Variants in SGCZ observed in about 807,000 individuals in gnomAD.
SGCZ encodes the protein sarcoglycan zeta, also known as zeta-sarcoglycan.
SGCZ carries 40 observed loss-of-function variants against 41.3 expected under a neutral mutation model. The ratio of observed to expected loss-of-function variants is 0.97; its 90% CI spans 0.75 to 1.26. The LOEUF (loss-of-function observed/expected upper bound fraction) is 1.26, where lower values mean the gene tolerates loss of function less well. SGCZ is among the 50% of genes most tolerant of loss of function. The probability of loss-of-function intolerance (pLI) is 0.00; values close to 1 mark genes in which losing one functional copy is unlikely to be tolerated. For missense variants in SGCZ, 552 were observed against 369.8 expected, an observed-to-expected ratio of 1.49 and a Z score of -4.04; for synonymous variants, 206 against 137.5, an observed-to-expected ratio of 1.50 and a Z score of -3.49.
intron 3 of SGCZ, among the ~76,000 whole-genome samples, chr8:14,273,170 G>C (rs1413530930): frequency 2.0e-5 from 3 of 151,746 alleles, no homozygotes; most frequent in East Asian, 3.9e-4. Flanking sequence ...TTTTAAATGA[G>C]TACAAAAATA....
chr8:14,735,988 A>G (rs1448675843), intron 1 of SGCZ, among the ~76,000 whole-genome samples: 1 of 152,076 alleles, frequency 6.6e-6, no homozygotes, highest in Admixed American at 6.5e-5. Context: ...ATAAGTGTAA[A>G]TGAGTATGGA....
rs143714808 is a variant in SGCZ, at chr8:14,727,976, A to C, written c.40-173050T>G. On this transcript the variant is annotated intron_variant, in intron 1 of 7. Coordinates refer to ENST00000382080, the MANE Select transcript of SGCZ (RefSeq NM_139167.4). ...TAAGTGCACAGTAAAAAATACTCTGAAACAAAAGAAGCTAGACACAAAAGA... is the reference window on the plus strand; with the variant it reads ...TAAGTGCACAGTAAAAAATACTCTGCAACAAAAGAAGCTAGACACAAAAGA... Among the ~76,000 whole-genome samples the C allele has an allele frequency of 4.9e-3, 753 of 152,314 alleles. 8 individuals carry two copies. Among genetic ancestry groups the C allele is most frequent in the African/African-American group, 0.016 (682 of 41,572 alleles).
At chr8:15,133,293 A>G (rs765875248) in intron 1 of SGCZ, among the ~76,000 whole-genome samples, 1 of 152,162 alleles carries the variant, frequency 6.6e-6, no homozygotes, top group African/African-American at 2.4e-5. Flanking sequence ...TAGAGTTATA[A>G]ATGTAACACA....
chr8:14,687,190 ATT>A (rs397962270), intron 1 of SGCZ, among the ~76,000 whole-genome samples: 2 of 147,030 alleles, frequency 1.4e-5, no homozygotes, highest in Non-Finnish European at 3.0e-5. Flanking sequence ...ATATATATAT[ATT>A]TTAATTTTAT....
At chr8:14,630,298 G>T (rs1031969949) in intron 1 of SGCZ, among the ~76,000 whole-genome samples, 9 of 151,740 alleles carry the variant, frequency 5.9e-5, no homozygotes, top group Non-Finnish European at 1.2e-4. Context: ...GTGGAAAAAT[G>T]CTTGCCTCTA....
chr8:15,010,312 T>C (rs1256895518), intron 1 of SGCZ, among the ~76,000 whole-genome samples: 1 of 152,220 alleles, frequency 6.6e-6, no homozygotes, highest in Non-Finnish European at 1.5e-5. Context: ...ACATTATTAG[T>C]TTCTGCAATT....
chr8:14,657,367 T>A (rs1247129836), intron 1 of SGCZ, among the ~76,000 whole-genome samples: 1 of 152,092 alleles, frequency 6.6e-6, no homozygotes, highest in Non-Finnish European at 1.5e-5. Context: ...AACTTTAGCA[T>A]AACTATATAT....
chr8:15,033,442 G>A (rs1803759267), intron 1 of SGCZ, among the ~76,000 whole-genome samples: 1 of 151,988 alleles, frequency 6.6e-6, no homozygotes, highest in Non-Finnish European at 1.5e-5. Flanking sequence ...AACCAGTCTG[G>A]CCCCAGGGTC....
intron 2 of SGCZ, among the ~76,000 whole-genome samples, chr8:14,362,579 G>C (rs763063895): frequency 2.0e-4 from 31 of 152,172 alleles, no homozygotes; most frequent in Non-Finnish European, 4.0e-4. Context: ...GAAGTGTACT[G>C]CTCCTCCAGG....
chr8:14,542,781 A>T (rs976189192), intron 2 of SGCZ, among the ~76,000 whole-genome samples: 13 of 151,832 alleles, frequency 8.6e-5, no homozygotes, highest in Non-Finnish European at 1.5e-4. Context: ...TGGATTTTTT[A>T]TTGGTGTATT....
At chr8:14,439,078 A>T (rs1308607077) in intron 2 of SGCZ, among the ~76,000 whole-genome samples, 1 of 151,992 alleles carries the variant, frequency 6.6e-6, no homozygotes, top group African/African-American at 2.4e-5. Context: ...TGGCAATATT[A>T]GCTTCTTGAT....
At chr8:14,616,770 C>T (rs1337360000) in intron 1 of SGCZ, among the ~76,000 whole-genome samples, 1 of 152,114 alleles carries the variant, frequency 6.6e-6, no homozygotes, top group Non-Finnish European at 1.5e-5. Flanking sequence ...ATAAATGCCA[C>T]TGTAAAACAC....
intron 1 of SGCZ, among the ~76,000 whole-genome samples, chr8:14,611,517 ATAAAATTAACATGAATTAATGAAGAGTCC>A (rs1215453748): frequency 1.3e-5 from 2 of 152,220 alleles, no homozygotes; most frequent in African/African-American, 4.8e-5. Flanking sequence ...TAATACATAA[ATAAAATTAACATGAATTAATGAAGAGTCC>A]TCCAGTAATT....
At chr8:15,095,563 T>A (rs1163259885) in intron 1 of SGCZ, among the ~76,000 whole-genome samples, 1 of 152,212 alleles carries the variant, frequency 6.6e-6, no homozygotes, top group Non-Finnish European at 1.5e-5. Flanking sequence ...AAAATAAAAT[T>A]AAGATTCCTC....
rs141868237 is a variant in SGCZ, at chr8:14,384,019, G to A, written c.235-59815C>T. Among the ~76,000 whole-genome samples the A allele has an allele frequency of 1.3e-4, 19 of 151,414 alleles. No homozygotes were observed. The East Asian group carries it at 2.9e-3, about 23-fold the overall frequency. On this transcript the variant is annotated intron_variant, in intron 2 of 7. Transcript: ENST00000382080. ...ATTTTAGGGTACATGTGCACAACAT[G>A]TAGGTTACACATGTATACATGTGCC...
chr8:14,785,437 C>T (rs761453080), intron 1 of SGCZ, among the ~76,000 whole-genome samples: 16 of 152,108 alleles, frequency 1.1e-4, no homozygotes, highest in Non-Finnish European at 2.2e-4. Context: ...ACATACATAA[C>T]GATACCAAAA....
At chr8:14,400,246 T>C (rs1032235556) in intron 2 of SGCZ, among the ~76,000 whole-genome samples, 19 of 152,162 alleles carry the variant, frequency 1.2e-4, no homozygotes, top group African/African-American at 4.3e-4. Context: ...TAGCAGATTT[T>C]ATTTATCCAT....
chr8:14,566,668 T>G (rs1804373231), intron 1 of SGCZ, among the ~76,000 whole-genome samples: 1 of 152,236 alleles, frequency 6.6e-6, no homozygotes, highest in Non-Finnish European at 1.5e-5. Context: ...CTGGCAGCCC[T>G]CACAGCCCTC....
At chr8:14,888,470 T>C (rs1045908140) in intron 1 of SGCZ, among the ~76,000 whole-genome samples, 2 of 152,018 alleles carry the variant, frequency 1.3e-5, no homozygotes. Context: ...GGAAAAGAAG[T>C]GAAAGAATAT....
Sources: gnomAD v4.1 joint callset for allele counts (sites outside exome capture counted in the v4.1 genomes callset) on GRCh38, gnomAD v4.1.1 for gene constraint, MANE v1.5 for transcripts, NCBI Gene and HGNC (gene_info 2026-07-23, HGNC 2026-07-21) for gene names.